SCN11A: variants seen among roughly 807,000 people sequenced by gnomAD.
The protein encoded by SCN11A is sodium channel protein type 11 subunit alpha.
SCN11A carries 122 observed loss-of-function variants against 162.2 expected under a neutral mutation model. The ratio of observed to expected loss-of-function variants is 0.75; its 90% CI spans 0.65 to 0.87. SCN11A has a LOEUF of 0.87. Ranked by LOEUF, SCN11A falls within the 40% of genes least tolerant of loss-of-function variation. SCN11A has a pLI of 0.00. For missense variants in SCN11A, 2,015 were observed against 2,181.6 expected (o/e 0.92, Z 1.52); for synonymous variants, 758 against 751.5 (o/e 1.01, Z -0.14).
chr3:38,950,078 C>CCCCCCCCCCCCCACCCCCCG lies in SCN11A; in HGVS notation c.267+17_267+18insCGGGGGGTGGGGGGGGGGGG, dbSNP rs1553644472. The CCCCCCCCCCCCCACCCCCCG allele has an allele frequency of 7.1e-6, 1 of 139,974 alleles. No homozygotes were observed. The highest frequency in any genetic ancestry group is 3.6e-5 in the African/African-American group (1 of 27,720). The allele number at this position is 139,974 out of a possible 1,614,324, so 8.7% of individuals were successfully genotyped here. A position where few individuals can be genotyped will look rare whatever the true frequency, so the allele number is the denominator to read the frequency against. ...GAACACCCCCACCCCCACCCCCCCC[C>CCCCCCCCCCCCCACCCCCCG]CCCGCCCAATGAAGTACCTTATGAT... is the stretch of plus-strand genomic sequence containing the variant. On this transcript the variant is annotated intron_variant, in intron 5 of 29. Transcript: ENST00000302328.
At chr3:38,918,554 C>T (rs888137913) in intron 11 of SCN11A, among the ~76,000 whole-genome samples, 8 of 152,172 alleles carry the variant, frequency 5.3e-5, no homozygotes, top group East Asian at 1.9e-4. Flanking sequence ...TTCCTGCCCA[C>T]GAAAAAATTA....
rs764275844 is a variant in SCN11A, at chr3:38,920,034, T to TA, written c.893-34dup. 247 of 1,510,780 alleles carry TA rather than the reference T, an allele frequency of 1.6e-4. 1 individual carries two copies. The highest frequency in any genetic ancestry group is 3.4e-4 in the Middle Eastern group (2 of 5,850). The allele number at this position is 1,510,780 out of a possible 1,614,324, so 93.6% of individuals were successfully genotyped here. ...AGGAAAAAGTCATAAATTCAGATTT[T>TA]AAAAAAAACATTGAAAGGAAAGAGA... is the stretch of plus-strand genomic sequence containing the variant. On this transcript the variant is annotated intron_variant, in intron 10 of 29. Transcript: ENST00000302328.
In SCN11A at chr3:38,912,693, C is replaced by T. The variant is rs182691512; in HGVS notation, c.960-2486G>A. 2.6e-5 allele frequency among the ~76,000 whole-genome samples: 4 copies of T among 152,242 alleles called. No homozygotes were observed. The East Asian group carries it at 7.7e-4, about 29-fold the overall frequency. ...CTTTTCTATGTCCGTGAGTTCTCATCATTTAACTCCCACTTACAAGTGAGA... is the reference window on the plus strand; with the variant it reads ...CTTTTCTATGTCCGTGAGTTCTCATTATTTAACTCCCACTTACAAGTGAGA... On this transcript the variant is annotated intron_variant, in intron 11 of 29. Coordinates refer to ENST00000302328, the MANE Select transcript of SCN11A (RefSeq NM_001349253.2).
intron 2 of SCN11A, among the ~76,000 whole-genome samples, chr3:38,987,341 A>ACC (rs2030293111): frequency 1.6e-5 from 2 of 128,260 alleles, no homozygotes; most frequent in South Asian, 2.5e-4. Flanking sequence ...ACACACACAC[A>ACC]CCTGTCCTGT....
At chr3:38,917,437 G>A (rs1227732963) in intron 11 of SCN11A, among the ~76,000 whole-genome samples, 1 of 152,224 alleles carries the variant, frequency 6.6e-6, no homozygotes, top group East Asian at 1.9e-4. Context: ...ATGACAGACT[G>A]GATAAAGCTA....
At chr3:38,878,193 A>AATAAATAC (rs2065251791) in intron 23 of SCN11A, among the ~76,000 whole-genome samples, 1 of 151,222 alleles carries the variant, frequency 6.6e-6, no homozygotes, top group African/African-American at 2.4e-5. Flanking sequence ...TAAATAAATA[A>AATAAATAC]ACCCACCCAT....
chr3:38,860,396 G>T (rs750255400), intron 28 of SCN11A, among the ~76,000 whole-genome samples: 5 of 152,048 alleles, frequency 3.3e-5, no homozygotes, highest in African/African-American at 4.8e-5. Flanking sequence ...ATTCTATGAA[G>T]CCAGTATCAC....
intron 5 of SCN11A, among the ~76,000 whole-genome samples, chr3:38,949,610 T>A (rs1183982626): frequency 7.2e-5 from 11 of 152,248 alleles, no homozygotes; most frequent in African/African-American, 2.4e-5. Flanking sequence ...TTCTGGACCA[T>A]GATATTAATC....
At chr3:38,982,790 G>T (rs559612001) in intron 2 of SCN11A, among the ~76,000 whole-genome samples, 3 of 152,174 alleles carry the variant, frequency 2.0e-5, no homozygotes, top group Non-Finnish European at 4.4e-5. Context: ...TGTGGACCCA[G>T]GGTCAGGATC....
chr3:38,956,159 C>A (rs539738006), intron 3 of SCN11A, among the ~76,000 whole-genome samples: 47 of 152,104 alleles, frequency 3.1e-4, no homozygotes, highest in African/African-American at 1.0e-3. Flanking sequence ...GCAGCAGAAT[C>A]ACTTGAACCC....
In SCN11A at chr3:38,897,036, G is replaced by A; in HGVS notation, c.2212C>T (p.Pro738Ser). The A allele has an allele frequency of 6.2e-7, 1 of 1,614,078 alleles. No homozygotes were observed. The highest frequency in any genetic ancestry group is 2.2e-5 in the East Asian group (1 of 44,864). The change falls in exon 18 of 30, where the codon CCG (proline) becomes TCG (serine). Residue 738 changes from proline (P) to serine (S), a missense_variant. Coordinates refer to ENST00000302328, the MANE Select transcript of SCN11A (RefSeq NM_001349253.2). ...AAACATGAGACTGTCGGGCCTGTCG[G>A]GTTACAGAGTTTTGGACTCTTTTGG... ...NSQKSPKLCN[P>S]TGPTVSCLRH...
At chr3:38,857,493 A>C (rs2064888860) in intron 28 of SCN11A, among the ~76,000 whole-genome samples, 1 of 151,922 alleles carries the variant, frequency 6.6e-6, no homozygotes, top group Non-Finnish European at 1.5e-5. Context: ...GCCTCCAAGA[A>C]ATTTGGGATT....
intron 21 of SCN11A, 128 bp from the exon 22 acceptor site, chr3:38,883,515 A>G: frequency 1.2e-6 from 1 of 801,904 alleles, no homozygotes; most frequent in South Asian, 1.8e-5. Flanking sequence ...TTAAAGAAGT[A>G]GAGCATCTTT....
intron 7 of SCN11A, among the ~76,000 whole-genome samples, chr3:38,929,742 T>C (rs889896300): frequency 1.3e-5 from 2 of 152,176 alleles, no homozygotes; most frequent in Non-Finnish European, 2.9e-5. Flanking sequence ...ACACTTCCTT[T>C]GTGATGTATT....
intron 2 of SCN11A, among the ~76,000 whole-genome samples, chr3:39,001,586 G>A (rs1279463727): frequency 1.3e-5 from 2 of 152,008 alleles, no homozygotes; most frequent in East Asian, 1.9e-4. Flanking sequence ...GAGTTTTATA[G>A]TTTTACTTCT....
intron 2 of SCN11A, among the ~76,000 whole-genome samples, chr3:38,966,559 G>C (rs2066783837): frequency 6.6e-6 from 1 of 152,174 alleles, no homozygotes; most frequent in African/African-American, 2.4e-5. Flanking sequence ...CAGGGTATCT[G>C]GGCCGGTATC....
intron 2 of SCN11A, among the ~76,000 whole-genome samples, chr3:38,975,032 A>G (rs1253478777): frequency 2.0e-5 from 3 of 151,966 alleles, no homozygotes; most frequent in Non-Finnish European, 2.9e-5. Flanking sequence ...CCTCAATATC[A>G]ATAAAAGAAT....
At position 38,894,536 on chromosome 3, in the gene SCN11A, T is replaced by C; in HGVS notation, c.2832A>G (p.Gln944=). 6.3e-7 allele frequency: 1 copy of C among 1,598,868 alleles called. No individual in the cohort carries two copies. Among genetic ancestry groups the C allele is most frequent in the Non-Finnish European group, 8.5e-7 (1 of 1,172,724 alleles). The change falls in exon 19 of 30, where the codon CAA becomes CAG. Residue 944 remains glutamine, a synonymous_variant. Coordinates refer to ENST00000302328, the MANE Select transcript of SCN11A (RefSeq NM_001349253.2). ...AQRITQPEPE[Q]QAYELHQENK... ...GTCTATGTGTGAACCTTCATACCTG[T>C]TGTTCAGGCTCAGGTTGTGTGATGC...
chr3:38,944,830 G>A (rs1208854685), intron 7 of SCN11A, among the ~76,000 whole-genome samples: 1 of 151,964 alleles, frequency 6.6e-6, no homozygotes, highest in Non-Finnish European at 1.5e-5. Flanking sequence ...GGGCACGGTG[G>A]CAGGCGTCTG....
Sources: gnomAD v4.1 joint callset for allele counts (sites outside exome capture counted in the v4.1 genomes callset) on GRCh38, gnomAD v4.1.1 for gene constraint, MANE v1.5 for transcripts, NCBI Gene and HGNC (gene_info 2026-07-23, HGNC 2026-07-21) for gene names.